PLCB4: variants seen among roughly 807,000 people sequenced by gnomAD.
PLCB4 encodes the protein 1-phosphatidylinositol 4,5-bisphosphate phosphodiesterase beta-4.
A neutral mutation model predicts 178.8 loss-of-function variants in PLCB4; 77 were observed. The ratio of observed to expected loss-of-function variants is 0.43; its 90% confidence interval spans 0.36 to 0.52. The LOEUF (loss-of-function observed/expected upper bound fraction) is 0.52. PLCB4 is among the 20% of genes least tolerant of loss of function. The probability of loss-of-function intolerance (pLI) is 0.00; values close to 1 mark genes in which losing one functional copy is unlikely to be tolerated. For missense variants in PLCB4, 1,024 were observed against 1,453.4 expected (o/e 0.70, Z 4.80); for synonymous variants, 496 against 490.8 (o/e 1.01, Z -0.14).
chr20:9,374,101 A>C (rs557074982), intron 12 of PLCB4, among the ~76,000 whole-genome samples: 2 of 152,310 alleles, frequency 1.3e-5, no homozygotes, highest in East Asian at 3.9e-4. Context: ...CATAGAGACA[A>C]ATTACATCTT....
At chr20:9,091,720 C>T (rs2090687376) in intron 1 of PLCB4, among the ~76,000 whole-genome samples, 1 of 151,248 alleles carries the variant, frequency 6.6e-6, no homozygotes, top group Admixed American at 6.6e-5. Flanking sequence ...ACAATAGCTA[C>T]CTGTTAGTTG....
At chr20:9,473,719 A>T (rs2044346248) in intron 38 of PLCB4, among the ~76,000 whole-genome samples, 1 of 152,324 alleles carries the variant, frequency 6.6e-6, no homozygotes, top group Non-Finnish European at 1.5e-5. Flanking sequence ...GGCAAGGGAT[A>T]TGATGTTTAA....
rs1480851520 is a variant in PLCB4, at chr20:9,396,975, GA to G, written c.1510+1358del. On this transcript the variant is annotated intron_variant, in intron 19 of 39. Coordinates refer to ENST00000378473, the MANE Select transcript of PLCB4 (RefSeq NM_001377142.1). ...TGGCTGTGGTAATTTTTTAAAATAA[GA>G]CAACAATGAAGTTTGCTGCATCAAT... 2.0e-5 allele frequency among the ~76,000 whole-genome samples: 3 copies of G among 152,118 alleles called. No individual in the cohort carries two copies. The East Asian group carries it at 5.8e-4, about 29-fold the overall frequency.
At chr20:9,200,188 T>A (rs2093525221) in intron 2 of PLCB4, among the ~76,000 whole-genome samples, 1 of 151,778 alleles carries the variant, frequency 6.6e-6, no homozygotes, top group South Asian at 2.1e-4. Flanking sequence ...TTCTTAAAGA[T>A]TCATGTTAAA....
intron 1 of PLCB4, among the ~76,000 whole-genome samples, chr20:9,085,420 C>CT (rs1355609919): frequency 6.6e-6 from 1 of 152,186 alleles, no homozygotes; most frequent in African/African-American, 2.4e-5. Context: ...ACGTAGTAGG[C>CT]TTTTAAATGT....
chr20:9,095,215 A>T (rs1360714962), intron 1 of PLCB4, among the ~76,000 whole-genome samples: 1 of 152,208 alleles, frequency 6.6e-6, no homozygotes, highest in Non-Finnish European at 1.5e-5. Context: ...TTTAAAAAGG[A>T]TTTTTATTCT....
intron 14 of PLCB4, among the ~76,000 whole-genome samples, chr20:9,384,786 G>A (rs1166227484): frequency 6.8e-6 from 1 of 147,710 alleles, no homozygotes; most frequent in Non-Finnish European, 1.5e-5. Context: ...ATAGGCACTT[G>A]TAAATTAGCT....
chr20:9,450,702 G>GC lies in PLCB4; in HGVS notation c.2881-2644dup, dbSNP rs1470178063. Among the ~76,000 whole-genome samples, 14 of 116,032 alleles carry GC rather than the reference G, an allele frequency of 1.2e-4. No homozygotes were observed. The East Asian group carries it at 3.5e-3, about 29-fold the overall frequency. 76.1% of individuals were successfully genotyped at this position (116,032 alleles called of 152,430 possible). The stretch of plus-strand genomic sequence containing the variant: ...TTGAGATGGAGTCTTGCTCTGTCAT[G>GC]CAGTGGCATGATCTCGACTCACTGC... On this transcript the variant is annotated intron_variant, in intron 32 of 39. Transcript: ENST00000378473.
intron 4 of PLCB4, among the ~76,000 whole-genome samples, chr20:9,312,533 T>A: frequency 6.6e-6 from 1 of 152,046 alleles, no homozygotes; most frequent in East Asian, 1.9e-4. Context: ...TTGGCCTCTT[T>A]CCAAGGTGGT....
At chr20:9,253,555 G>T (rs935842005) in intron 3 of PLCB4, among the ~76,000 whole-genome samples, 41 of 152,236 alleles carry the variant, frequency 2.7e-4, no homozygotes, top group African/African-American at 9.6e-4. Flanking sequence ...TCCACTTCTA[G>T]ATGGCATCTT....
intron 24 of PLCB4, 63 bp from the exon 25 acceptor site, chr20:9,410,974 A>T: frequency 8.6e-7 from 1 of 1,165,874 alleles, no homozygotes; most frequent in South Asian, 1.2e-5. Flanking sequence ...GTTTCAAATC[A>T]CCCCGTCAGG....
chr20:9,346,940 G>C (rs1408826803), intron 7 of PLCB4, among the ~76,000 whole-genome samples: 1 of 152,134 alleles, frequency 6.6e-6, no homozygotes, highest in Non-Finnish European at 1.5e-5. Context: ...TTCCTCTGTG[G>C]CTCCTTCTTC....
intron 2 of PLCB4, among the ~76,000 whole-genome samples, chr20:9,207,783 TTC>T (rs1241124349): frequency 6.6e-6 from 1 of 152,162 alleles, no homozygotes; most frequent in Non-Finnish European, 1.5e-5. Context: ...ATCTCTCAAT[TTC>T]AAAATGGTGC....
At chr20:9,382,426 T>G (rs2037221212) in intron 13 of PLCB4, among the ~76,000 whole-genome samples, 1 of 152,212 alleles carries the variant, frequency 6.6e-6, no homozygotes, top group Admixed American at 6.5e-5. Flanking sequence ...CCCAACACAT[T>G]TAGAATAAAA....
At chr20:9,280,892 A>G (rs1405464149) in intron 3 of PLCB4, among the ~76,000 whole-genome samples, 2 of 151,672 alleles carry the variant, frequency 1.3e-5, no homozygotes, top group Non-Finnish European at 2.9e-5. Flanking sequence ...ATTATAGTTC[A>G]GCAAAGGAAG....
chr20:9,464,243 C>A (rs2043607330), intron 35 of PLCB4, among the ~76,000 whole-genome samples: 1 of 152,114 alleles, frequency 6.6e-6, no homozygotes, highest in Non-Finnish European at 1.5e-5. Context: ...AGAACAAAGA[C>A]ACAACATACC....
chr20:9,379,341 G>C (rs2036940791), intron 12 of PLCB4, among the ~76,000 whole-genome samples: 1 of 152,064 alleles, frequency 6.6e-6, no homozygotes, highest in East Asian at 1.9e-4. Context: ...AGCTCCTTAG[G>C]TGTCAATTTG....
intron 30 of PLCB4, 130 bp from the exon 31 acceptor site, chr20:9,443,851 G>C: frequency 3.3e-6 from 2 of 597,652 alleles, no homozygotes; most frequent in Non-Finnish European, 6.0e-6. Context: ...AACTTAAGAT[G>C]TTTATATTCA....
intron 2 of PLCB4, chr20:9,166,421 C>T (rs2092971741): frequency 6.6e-6 from 1 of 152,166 alleles, no homozygotes; most frequent in African/African-American, 2.4e-5. Context: ...CTCTCTCAGC[C>T]ACTCTCTCTG....
Sources: allele counts gnomAD v4.1 joint callset (sites outside exome capture counted in the v4.1 genomes callset), GRCh38; gene constraint gnomAD v4.1.1; transcripts MANE v1.5; gene names NCBI Gene and HGNC (gene_info 2026-07-23, HGNC 2026-07-21).